Variants in TRIM64B observed in about 807,000 individuals in gnomAD.
The protein encoded by TRIM64B is tripartite motif containing 64B.
For synonymous variants in TRIM64B, 17 were observed against 190.3 expected (o/e 0.09, Z 7.50); for missense variants, 57 against 536.4 (o/e 0.11, Z 8.83).
chr11:89,876,636 C>T (rs1322407369), upstream of TRIM64B, among the ~76,000 whole-genome samples: 1 of 149,060 alleles, frequency 6.7e-6, no homozygotes, highest in African/African-American at 2.4e-5. Context: ...GCAGGAGAAT[C>T]GCTTGAACCC....
exon 3 of TRIM64B, chr11:89,874,189 C>G (rs1293448709): frequency 6.5e-7 from 1 of 1,537,088 alleles, no homozygotes; most frequent in African/African-American, 1.5e-5. Flanking sequence ...CTTTCCAGTG[C>G]CTGCAGATGC....
intron 3 of TRIM64B, among the ~76,000 whole-genome samples, chr11:89,873,770 C>A (rs1950135225): frequency 9.6e-6 from 1 of 103,906 alleles, no homozygotes; most frequent in Non-Finnish European, 1.9e-5. Context: ...CTTCCCCTGG[C>A]CTAGAGTTCT....
At chr11:89,872,934 T>A (rs1215397006) in intron 4 of TRIM64B, among the ~76,000 whole-genome samples, 26 of 151,486 alleles carry the variant, frequency 1.7e-4, no homozygotes, top group Non-Finnish European at 2.5e-4. Flanking sequence ...TTTTTTTTTT[T>A]TTTTTTTTAA....
rs761506590 is a variant in TRIM64B at position 89,872,344 on chromosome 11, A to C, written c.759-32T>G. On this transcript the variant is annotated intron_variant, in intron 4 of 5. Transcript: ENST00000329862. ...AAAAAATGGCCTCAGTTATATTTCC[A>C]GGCCCAGAGCTAATCACACAGTCAT... 2,328 of 1,488,758 alleles carry C rather than the reference A, an allele frequency of 1.6e-3. 12 individuals carry two copies. In the African/African-American group the frequency reaches 0.029, roughly 19 times the overall value. 92.2% of individuals were successfully genotyped at this position (1,488,758 alleles called of 1,614,324 possible).
chr11:89,876,741 G>GTACATATTC (rs1950167368), upstream of TRIM64B, among the ~76,000 whole-genome samples: 1 of 132,704 alleles, frequency 7.5e-6, no homozygotes, highest in East Asian at 2.2e-4. Context: ...AAAAAAAAAA[G>GTACATATTC]TACATATTCA....
intron 5 of TRIM64B, among the ~76,000 whole-genome samples, chr11:89,871,430 T>A (rs1322183780): frequency 6.6e-6 from 1 of 152,220 alleles, no homozygotes; most frequent in African/African-American, 2.4e-5. Flanking sequence ...ACTCTCCTTG[T>A]ATTATTTGTT....
At chr11:89,876,305 T>C (rs553428381), upstream of TRIM64B, among the ~76,000 whole-genome samples, 3 of 144,840 alleles carry the variant, frequency 2.1e-5, no homozygotes, top group Non-Finnish European at 4.6e-5. Context: ...TGAATTTGTA[T>C]GTAACCTAAA....
At chr11:89,877,891 G>A (rs574272049), upstream of TRIM64B, among the ~76,000 whole-genome samples, 6 of 149,406 alleles carry the variant, frequency 4.0e-5, no homozygotes, top group South Asian at 1.3e-3. Flanking sequence ...CAAAGTGCTA[G>A]GCTGCAAACA....
chr11:89,876,758 C>G (rs1950167478), upstream of TRIM64B, among the ~76,000 whole-genome samples: 1 of 149,036 alleles, frequency 6.7e-6, no homozygotes, highest in Admixed American at 6.7e-5. Context: ...TTCAGTACAG[C>G]TGCTTTTTTC....
At chr11:89,875,071 C>G in exon 2 of TRIM64B, 1 of 1,547,676 alleles carries the variant, frequency 6.5e-7, no homozygotes, top group Non-Finnish European at 8.7e-7. Flanking sequence ...TTATAAGTTT[C>G]TCCTGCAAAA....
chr11:89,872,486 C>A (rs1340337885), intron 4 of TRIM64B, among the ~76,000 whole-genome samples, 174 bp from the exon 6 acceptor site: 1 of 151,786 alleles, frequency 6.6e-6, no homozygotes. Flanking sequence ...TTTTTCTAAA[C>A]TTTGCTTCCA....
chr11:89,871,330 C>G (rs1231904969), intron 5 of TRIM64B, among the ~76,000 whole-genome samples: 2 of 152,198 alleles, frequency 1.3e-5, no homozygotes, highest in African/African-American at 4.8e-5. Context: ...AAAACGTGAC[C>G]ATACCACAGG....
intron 1 of TRIM64B, among the ~76,000 whole-genome samples, 197 bp from the exon 3 acceptor site, chr11:89,875,270 A>T (rs1238623954): frequency 6.6e-6 from 1 of 152,244 alleles, no homozygotes; most frequent in Non-Finnish European, 1.5e-5. Context: ...GAGAGTTTTA[A>T]GGGACCCTTC....
upstream of TRIM64B, among the ~76,000 whole-genome samples, chr11:89,876,721 C>CAA (rs57069977): frequency 0.18 from 18,621 of 101,482 alleles, 968 homozygotes; most frequent in Non-Finnish European, 0.22. Context: ...GACTCTGTCT[C>CAA]AAAAAAAAAA....
upstream of TRIM64B, among the ~76,000 whole-genome samples, chr11:89,876,228 G>C (rs1357929083): frequency 6.6e-5 from 9 of 136,638 alleles, no homozygotes; most frequent in African/African-American, 2.4e-4. Flanking sequence ...AGCCATCGAA[G>C]ATTCGGTCAA....
intron 1 of TRIM64B, among the ~76,000 whole-genome samples, chr11:89,875,403 G>A (rs571094060): frequency 7.7e-4 from 117 of 152,048 alleles, no homozygotes; most frequent in South Asian, 1.0e-3. Flanking sequence ...TTTCTAAGGA[G>A]ACCTCCTTTA....
upstream of TRIM64B, among the ~76,000 whole-genome samples, chr11:89,877,573 T>G (rs949180336): frequency 3.4e-5 from 5 of 148,564 alleles, no homozygotes; most frequent in Non-Finnish European, 6.0e-5. Context: ...GTTGGTTAGA[T>G]CTATTGATCT....
chr11:89,877,512 C>G (rs1373749958), upstream of TRIM64B, among the ~76,000 whole-genome samples: 6 of 147,814 alleles, frequency 4.1e-5, no homozygotes, highest in African/African-American at 1.5e-4. Flanking sequence ...GCCGCCAATT[C>G]ACCTTTCGCT....
At position 89,875,773 on chromosome 11, in the gene TRIM64B, G is replaced by T. The variant is rs557776848; in HGVS notation, c.245C>A (p.Pro82His). 553 of 1,545,058 alleles carry T rather than the reference G, an allele frequency of 3.6e-4. 13 individuals are homozygous for T. The African/African-American group carries it at 6.8e-3, about 19-fold the overall frequency. ...ATTGTCTGAGCTGTTGATGTTCTGA[G>T]GTCTGGTCTGTCTGGCTAGGGAAGA... Residue 82 changes from proline (P) to histidine (H), a missense_variant, in exon 1 of 6, where the codon CCT (proline) becomes CAT (histidine). Pro to His is a moderately conservative substitution (Grantham distance 77, BLOSUM62 -2). Coordinates refer to ENST00000329862, the Ensembl canonical transcript of TRIM64B.
Sources: allele counts gnomAD v4.1 joint callset (sites outside exome capture counted in the v4.1 genomes callset), GRCh38; gene constraint gnomAD v4.1.1; transcripts MANE v1.5; gene names NCBI Gene and HGNC (gene_info 2026-07-23, HGNC 2026-07-21).